TYRO3: variants seen among roughly 807,000 people sequenced by gnomAD.
TYRO3 encodes tyrosine-protein kinase receptor TYRO3.
In TYRO3, 38 loss-of-function variants were observed where a neutral mutation model predicts 95.2. The observed-to-expected ratio is 0.40, with a 90% confidence interval of 0.31 to 0.52. TYRO3 has a LOEUF of 0.52. TYRO3 is among the 20% of genes least tolerant of loss of function. The pLI, the probability that TYRO3 is intolerant of heterozygous loss-of-function variation, is 0.56. For synonymous variants in TYRO3, 367 were observed against 432.9 expected (o/e 0.85, Z 1.89); for missense variants, 812 against 1,116.4 (o/e 0.73, Z 3.89).
intron 9 of TYRO3, among the ~76,000 whole-genome samples, chr15:41,569,308 A>C (rs934558224): frequency 6.6e-5 from 10 of 151,982 alleles, no homozygotes; most frequent in South Asian, 2.1e-4. Context: ...AAAAAAAAAA[A>C]AAAAAAACAA....
At position 41,578,844 on chromosome 15, in the gene TYRO3, C is replaced by T. The variant is rs532454789; in HGVS notation, c.*568C>T. The T allele has an allele frequency of 4.0e-4, 62 of 156,266 alleles. No individual in the cohort carries two copies. The highest frequency in any genetic ancestry group is 1.4e-3 in the African/African-American group (58 of 41,584). The allele number at this position is 156,266 out of a possible 1,614,324, so 9.7% of individuals were successfully genotyped here. ...TCTTTCTGATTCCGCACCCTGCCTA[C>T]GCCAGGAGAAGTTGAGGGGAGCATG... On this transcript the variant is annotated 3_prime_UTR_variant, in exon 19 of 19. Coordinates refer to ENST00000263798, the MANE Select transcript of TYRO3 (RefSeq NM_006293.4).
Position 41,568,236 on chromosome 15 carries a change from A to C in TYRO3, c.981A>C (p.Gln327His). The C allele has an allele frequency of 1.9e-6, 3 of 1,612,478 alleles. No homozygotes were observed. Among genetic ancestry groups the C allele is most frequent in the Non-Finnish European group, 2.5e-6 (3 of 1,179,936 alleles). Residue 327 changes from glutamine (Q) to histidine (H), a missense_variant, in exon 8 of 19, where the codon CAA (glutamine) becomes CAC (histidine). Coordinates refer to ENST00000263798, the MANE Select transcript of TYRO3 (RefSeq NM_006293.4). Reference protein sequence around the residue: ...TKGLAPASAPQNLHAIRTDSG... With the variant: ...TKGLAPASAPHNLHAIRTDSG... ...CTGCAGCCCCAGCCAGCGCTCCCCA[A>C]AACCTCCATGCCATCCGCACAGATT...
chr15:41,573,947 TCCA>T, intron 18 of TYRO3, 132 bp downstream of exon 18: 1 of 969,350 alleles, frequency 1.0e-6, no homozygotes, highest in East Asian at 2.5e-5. Context: ...AAGGCTGCAC[TCCA>T]CCTCATACTC....
chr15:41,574,460 C>T (rs2055838059), intron 18 of TYRO3, among the ~76,000 whole-genome samples: 1 of 152,170 alleles, frequency 6.6e-6, no homozygotes, highest in Non-Finnish European at 1.5e-5. Context: ...GGTAATCTTC[C>T]TCTGACCTTA....
In TYRO3 at chr15:41,567,455, C is replaced by G; in HGVS notation, c.879C>G (p.Asn293Lys). 3 of 1,609,794 alleles carry G rather than the reference C, an allele frequency of 1.9e-6. No individual in the cohort carries two copies. Among genetic ancestry groups the G allele is most frequent in the Non-Finnish European group, 2.5e-6 (3 of 1,178,464 alleles). The change falls in exon 7 of 19, where the codon AAC (asparagine) becomes AAG (lysine). Residue 293 changes from asparagine to lysine, a missense_variant. Transcript: ENST00000263798. ...TCCGGGACCTGGTGCCTGCCACCAA[C>G]TACAGCCTCAGGGTGCGCTGTGCCA... ...CLLRDLVPAT[N>K]YSLRVRCANA...
chr15:41,569,422 T>C (rs1260840446), intron 9 of TYRO3, among the ~76,000 whole-genome samples: 1 of 148,682 alleles, frequency 6.7e-6, no homozygotes, highest in Non-Finnish European at 1.5e-5. Flanking sequence ...TGAGCTATGA[T>C]TGCACCACTG....
At chr15:41,561,774 A>C in intron 3 of TYRO3, 135 bp downstream of exon 3, 1 of 623,594 alleles carries the variant, frequency 1.6e-6, no homozygotes, top group South Asian at 2.1e-5. Context: ...TCCAGGCTGT[A>C]GGCCCACTCC....
In TYRO3 at chr15:41,568,069, G is replaced by A. The variant is rs1012628977; in HGVS notation, c.962-148G>A. The A allele has an allele frequency of 3.4e-5, 36 of 1,049,030 alleles. No individual in the cohort carries two copies. In the Middle Eastern group the frequency reaches 9.7e-4, roughly 28 times the overall value. 65.0% of individuals were successfully genotyped at this position (1,049,030 alleles called of 1,614,324 possible). A position where few individuals can be genotyped will look rare whatever the true frequency, so the allele number is the denominator to read the frequency against. ...TTACCCCTCCCCCAGCACAGTGGGTGAGAGCAGTCAGAGCTGGGAGGTGAA... is the reference window on the plus strand; with the variant it reads ...TTACCCCTCCCCCAGCACAGTGGGTAAGAGCAGTCAGAGCTGGGAGGTGAA... On this transcript the variant is annotated intron_variant, in intron 7 of 18. Transcript: ENST00000263798.
rs542091436 is a variant in TYRO3, at chr15:41,560,376, C to T, written c.125-751C>T. 1.6e-4 allele frequency among the ~76,000 whole-genome samples: 22 copies of T among 137,156 alleles called. 1 individual carries two copies. The South Asian group carries it at 5.3e-3, about 33-fold the overall frequency. The allele number at this position is 137,156 out of a possible 152,430, so 90.0% of individuals were successfully genotyped here. On this transcript the variant is annotated intron_variant, in intron 1 of 18. Coordinates refer to ENST00000263798, the MANE Select transcript of TYRO3 (RefSeq NM_006293.4). ...CTCTGCTTAAAAACATGCCAGGAGG[C>T]CAGGAGAGGTGCGTGTATGTGTGTG...
rs2055907343 is a variant in TYRO3 at position 41,580,116 on chromosome 15, T to C, written c.*1840T>C. On this transcript the variant is annotated 3_prime_UTR_variant, in exon 19 of 19. Coordinates refer to ENST00000263798, the MANE Select transcript of TYRO3 (RefSeq NM_006293.4). Reference sequence around the variant, plus strand: ...ACGTTCTTCTTTGTGCTTTCCAAGTTTTCTGCATTGAGCACAAAATGCTTT... The same window carrying C: ...ACGTTCTTCTTTGTGCTTTCCAAGTCTTCTGCATTGAGCACAAAATGCTTT... 6.6e-6 allele frequency: 1 copy of C among 152,144 alleles called. No homozygotes were observed. Among genetic ancestry groups the C allele is most frequent in the African/African-American group, 2.4e-5 (1 of 41,438 alleles). 9.4% of individuals were successfully genotyped at this position (152,144 alleles called of 1,614,324 possible). A position where few individuals can be genotyped will look rare whatever the true frequency, so the allele number is the denominator to read the frequency against.
Position 41,573,670 on chromosome 15 carries a change from C to G in TYRO3, c.2146-9C>G. The G allele has an allele frequency of 8.5e-7, 1 of 1,170,928 alleles. No individual in the cohort carries two copies. Among genetic ancestry groups the G allele is most frequent in the Non-Finnish European group, 1.2e-6 (1 of 836,078 alleles). 72.5% of individuals were successfully genotyped at this position (1,170,928 alleles called of 1,614,324 possible). ...GACAGCTTCTCCCCCAACCTCGATT[C>G]TGTCCCAGTGGGCGTTCGGGGTGAC... On this transcript the variant is annotated splice_polypyrimidine_tract_variant and intron_variant, in intron 17 of 18. Coordinates refer to ENST00000263798, the MANE Select transcript of TYRO3 (RefSeq NM_006293.4).
Position 41,582,958 on chromosome 15 carries a change from C to CCA in TYRO3, c.*4685_*4686dup, listed in dbSNP as rs2055936391. The CCA allele has an allele frequency of 6.8e-6, 1 of 147,492 alleles. No individual in the cohort carries two copies. The highest frequency in any genetic ancestry group is 2.5e-5 in the African/African-American group (1 of 40,300). 9.1% of individuals were successfully genotyped at this position (147,492 alleles called of 1,614,324 possible). A position where few individuals can be genotyped will look rare whatever the true frequency, so the allele number is the denominator to read the frequency against. Reference sequence around the variant, plus strand: ...ACCTCAGCGTCCTGAATAGCTGGGACCACAGGCACACGCCACTGCACCTGG... The same window carrying CCA: ...ACCTCAGCGTCCTGAATAGCTGGGACCACACAGGCACACGCCACTGCACCTGG... On this transcript the variant is annotated 3_prime_UTR_variant, in exon 19 of 19. Transcript: ENST00000263798.
rs1171874639 is a variant in TYRO3 at position 41,565,305 on chromosome 15, G to T, written c.783+164G>T. Among the ~76,000 whole-genome samples the T allele has an allele frequency of 3.9e-5, 6 of 152,336 alleles. No homozygotes were observed. In the South Asian group the frequency reaches 8.3e-4, roughly 21 times the overall value. Reference sequence around the variant, plus strand: ...ACAGGCCACTGTCTCTTATCATGGGGTGCTCTGGCAACTAAGTGACTTTGC... The same window carrying T: ...ACAGGCCACTGTCTCTTATCATGGGTTGCTCTGGCAACTAAGTGACTTTGC... On this transcript the variant is annotated intron_variant, in intron 6 of 18. Transcript: ENST00000263798.
At chr15:41,567,648 G>T in intron 7 of TYRO3, 111 bp downstream of exon 7, 1 of 1,040,718 alleles carries the variant, frequency 9.6e-7, no homozygotes, top group Non-Finnish European at 1.3e-6. Flanking sequence ...GGCATCATTC[G>T]GCAAACATTT....
At chr15:41,571,708 G>A (rs368635556) in intron 14 of TYRO3, 21 bp downstream of exon 14, 60 of 1,479,694 alleles carry the variant, frequency 4.1e-5, no homozygotes, top group Non-Finnish European at 4.7e-5. Flanking sequence ...TTTTGGGGGA[G>A]GCAGATAGAG....
rs77455271 is a variant in TYRO3 at position 41,563,303 on chromosome 15, A to G, written c.580+585A>G. 7.7e-3 allele frequency among the ~76,000 whole-genome samples: 1,167 copies of G among 152,314 alleles called. 16 individuals carry two copies. Among genetic ancestry groups the G allele is most frequent in the African/African-American group, 0.027 (1,108 of 41,574 alleles). On this transcript the variant is annotated intron_variant, in intron 4 of 18. Coordinates refer to ENST00000263798, the MANE Select transcript of TYRO3 (RefSeq NM_006293.4). ...CCTGGGCCCCAAGTTTCTTGGGCAC[A>G]TACCCTCACATGCTTGTAAGGCTTG... is the stretch of plus-strand genomic sequence containing the variant.
At chr15:41,572,600 G>A (rs368589470) in intron 15 of TYRO3, 36 bp downstream of exon 15, 11 of 1,612,922 alleles carry the variant, frequency 6.8e-6, no homozygotes, top group African/African-American at 2.7e-5. Context: ...AGGAGGAAAC[G>A]GGTGGGAACA....
chr15:41,561,370 T>C, intron 2 of TYRO3, 60 bp downstream of exon 2: 2 of 1,460,356 alleles, frequency 1.4e-6, no homozygotes, highest in Non-Finnish European at 1.9e-6. Flanking sequence ...TGCTCTTTCC[T>C]TGGGGATTGG....
At chr15:41,561,015 T>C in intron 1 of TYRO3, 112 bp from the exon 2 acceptor site, 2 of 1,308,268 alleles carry the variant, frequency 1.5e-6, no homozygotes, top group Non-Finnish European at 2.2e-6. Context: ...TGACTTTGGC[T>C]GAGAAAGAGC....
Sources: allele counts gnomAD v4.1 joint callset (sites outside exome capture counted in the v4.1 genomes callset), GRCh38; gene constraint gnomAD v4.1.1; transcripts MANE v1.5; gene names NCBI Gene and HGNC (gene_info 2026-07-23, HGNC 2026-07-21).